The following SLC39A10 variants were observed in gnomAD, a reference collection of about 807,000 sequenced individuals.
SLC39A10 encodes zinc transporter ZIP10.
Under a neutral mutation model 65.1 loss-of-function variants are expected in SLC39A10, and 13 were observed. The ratio of observed to expected loss-of-function variants is 0.20; its 90% CI spans 0.13 to 0.32. The LOEUF is 0.32. Among genes scored for constraint, SLC39A10 ranks in the 10% least tolerant of loss-of-function variants. SLC39A10 has a pLI of 1.00. For synonymous variants in SLC39A10, 321 were observed against 342.2 expected (o/e 0.94, Z 0.68); for missense variants, 831 against 1,018.4 (o/e 0.82, Z 2.50).
At chr2:195,672,801 A>G (rs1689920120) in intron 1 of SLC39A10, among the ~76,000 whole-genome samples, 1 of 152,198 alleles carries the variant, frequency 6.6e-6, no homozygotes, top group Admixed American at 6.5e-5. Flanking sequence ...GATAACATGC[A>G]TTAAAGAAAC....
At chr2:195,644,890 C>CTTTAT in intron 2 of SLC39A10, among the ~76,000 whole-genome samples, 1 of 138,218 alleles carries the variant, frequency 7.2e-6, no homozygotes, top group Non-Finnish European at 1.5e-5. Flanking sequence ...AATCTAACTA[C>CTTTAT]TTTATTTATT....
intron 2 of SLC39A10, among the ~76,000 whole-genome samples, chr2:195,624,848 C>G (rs1462798749): frequency 2.2e-5 from 3 of 138,636 alleles, no homozygotes; most frequent in Admixed American, 1.6e-4. Flanking sequence ...GATCCTGCCA[C>G]TGCACTCCAG....
In SLC39A10 at chr2:195,703,891, C is replaced by T. The variant is rs1305643643; in HGVS notation, c.1217-2725C>T. On this transcript the variant is annotated intron_variant, in intron 3 of 9. Coordinates refer to ENST00000359634, the MANE Select transcript of SLC39A10 (RefSeq NM_020342.3). The stretch of plus-strand genomic sequence containing the variant: ...CTGGTCTCAAACTCCTGACCTTAAT[C>T]AGCCTGTCTGCCTCGACCTCCCAAA... Among the ~76,000 whole-genome samples, 43 of 152,162 alleles carry T rather than the reference C, an allele frequency of 2.8e-4. 2 individuals carry two copies. The highest frequency in any genetic ancestry group is 2.7e-3 in the Admixed American group (42 of 15,278).
Position 195,622,643 on chromosome 2 carries a change from A to G in SLC39A10, c.-12+16410A>G, listed in dbSNP as rs1391636620. 3.3e-5 allele frequency among the ~76,000 whole-genome samples: 5 copies of G among 152,280 alleles called. No individual in the cohort carries two copies. The East Asian group carries it at 7.7e-4, about 24-fold the overall frequency. On this transcript the variant is annotated intron_variant, in intron 2 of 2. Transcript: ENST00000458054. ...AAAGAGCTCAAATGTTTGAGGGAGA[A>G]ATAGTGGTGAATGTGATAGTGACTT...
Position 195,616,295 on chromosome 2 carries a change from T to TGGGA in SLC39A10, c.-12+10062_-12+10063insGGGA, listed in dbSNP as rs557385889. Reference sequence around the variant, plus strand: ...TAAACTGATATTTTAATATTTCAATTTGGATTGATTGATTGATTGATTGAT... The same window carrying TGGGA: ...TAAACTGATATTTTAATATTTCAATTGGGATGGATTGATTGATTGATTGATTGAT... On this transcript the variant is annotated intron_variant, in intron 2 of 2. Coordinates refer to the SLC39A10 transcript ENST00000458054. Among the ~76,000 whole-genome samples, 1,133 of 135,008 alleles carry TGGGA rather than the reference T, an allele frequency of 8.4e-3. 7 individuals carry two copies. The highest frequency in any genetic ancestry group is 0.018 in the South Asian group (72 of 3,964). 88.6% of individuals were successfully genotyped at this position (135,008 alleles called of 152,430 possible).
chr2:195,706,497 A>C (rs1691400196), intron 3 of SLC39A10, 119 bp from the exon 4 acceptor site: 1 of 924,680 alleles, frequency 1.1e-6, no homozygotes, highest in South Asian at 2.0e-5. Flanking sequence ...TAAAGCTTTC[A>C]TAATCTGGGT....
intron 2 of SLC39A10, among the ~76,000 whole-genome samples, chr2:195,617,917 T>G (rs1246387142): frequency 3.3e-5 from 5 of 150,700 alleles, no homozygotes; most frequent in Non-Finnish European, 5.9e-5. Context: ...TTTTTTGTAT[T>G]TTTAGTAGAG....
chr2:195,735,307 C>A lies in SLC39A10; in HGVS notation c.*266C>A. 3.7e-6 allele frequency: 1 copy of A among 267,240 alleles called. No homozygotes were observed. The highest frequency in any genetic ancestry group is 7.0e-6 in the Non-Finnish European group (1 of 143,646). 16.6% of individuals were successfully genotyped at this position (267,240 alleles called of 1,614,324 possible). ...GTTGATATGTTTGATTAAGACTTTTCACAAAATAATCATATAAAACACTAG... is the reference window on the plus strand; with the variant it reads ...GTTGATATGTTTGATTAAGACTTTTAACAAAATAATCATATAAAACACTAG... On this transcript the variant is annotated 3_prime_UTR_variant, in exon 10 of 10. Transcript: ENST00000359634.
At chr2:195,670,741 G>C (rs1418991437) in intron 1 of SLC39A10, among the ~76,000 whole-genome samples, 1 of 152,112 alleles carries the variant, frequency 6.6e-6, no homozygotes, top group African/African-American at 2.4e-5. Flanking sequence ...TGGGGAAAGA[G>C]TACATGGAAA....
intron 2 of SLC39A10, among the ~76,000 whole-genome samples, chr2:195,616,908 A>G (rs895516992): frequency 6.6e-6 from 1 of 152,114 alleles, no homozygotes; most frequent in Non-Finnish European, 1.5e-5. Context: ...CGGCCCGGAA[A>G]ATCTTTTGTT....
chr2:195,737,132 A>ATTCT lies in SLC39A10; in HGVS notation c.*2093_*2096dup, dbSNP rs1277445302. 5.9e-5 allele frequency: 9 copies of ATTCT among 152,746 alleles called. No individual in the cohort carries two copies. Among genetic ancestry groups the ATTCT allele is most frequent in the South Asian group, 2.1e-4 (1 of 4,828 alleles). The allele number at this position is 152,746 out of a possible 1,614,324, so 9.5% of individuals were successfully genotyped here. A position where few individuals can be genotyped will look rare whatever the true frequency, so the allele number is the denominator to read the frequency against. On this transcript the variant is annotated 3_prime_UTR_variant, in exon 10 of 10. Coordinates refer to ENST00000359634, the MANE Select transcript of SLC39A10 (RefSeq NM_020342.3). ...GGTATTATCTTTCTTTATTTGCTAG[A>ATTCT]TTCTTACAAATCTTTTAAGAGGGCT... is the stretch of plus-strand genomic sequence containing the variant.
In SLC39A10 at chr2:195,716,628, T is replaced by C; in HGVS notation, c.1697-9T>C. The C allele has an allele frequency of 1.3e-6, 2 of 1,581,616 alleles. No homozygotes were observed. Among genetic ancestry groups the C allele is most frequent in the South Asian group, 1.2e-5 (1 of 83,400 alleles). On this transcript the variant is annotated splice_polypyrimidine_tract_variant and intron_variant, in intron 6 of 9. Transcript: ENST00000359634. ...TATTGATAAAGCATATCCTTTGCTA[T>C]AAATACAGGAACTGATGACTCGGTT...
rs1392781774 is a variant in SLC39A10, at chr2:195,649,011, T to C, written c.-11-31021T>C. Among the ~76,000 whole-genome samples the C allele has an allele frequency of 2.0e-5, 3 of 152,136 alleles. No individual in the cohort carries two copies. The East Asian group carries it at 5.8e-4, about 29-fold the overall frequency. ...TGGGTGTGATGAAATCATTGGAGGC[T>C]GTAGGTGAGATCATCTATGAGAAAG... On this transcript the variant is annotated intron_variant, in intron 2 of 2. Coordinates refer to the SLC39A10 transcript ENST00000458054.
rs1692550023 is a variant in SLC39A10, at chr2:195,735,103, T to C, written c.*62T>C. On this transcript the variant is annotated 3_prime_UTR_variant, in exon 10 of 10. Transcript: ENST00000359634. ...ACCATGCAGCTTTGCATCTGTTCCT[T>C]GTACTGTATGCACATTGCTCAAAGG... 1 of 1,517,962 alleles carries C rather than the reference T, an allele frequency of 6.6e-7. No individual in the cohort carries two copies. The highest frequency in any genetic ancestry group is 2.0e-5 in the Admixed American group (1 of 50,322). The allele number at this position is 1,517,962 out of a possible 1,614,324, so 94.0% of individuals were successfully genotyped here. A position where few individuals can be genotyped will look rare whatever the true frequency, so the allele number is the denominator to read the frequency against.
chr2:195,661,402 T>C (rs1055248841), intron 1 of SLC39A10, among the ~76,000 whole-genome samples: 2 of 152,184 alleles, frequency 1.3e-5, no homozygotes, highest in Admixed American at 6.5e-5. Context: ...TTTTAAATAA[T>C]AGTATGTATT....
chr2:195,637,663 T>C (rs1031392011), intron 2 of SLC39A10, among the ~76,000 whole-genome samples: 4 of 152,204 alleles, frequency 2.6e-5, no homozygotes, highest in Admixed American at 6.5e-5. Context: ...TTCTTAACCA[T>C]AATTGAGGCA....
At chr2:195,727,506 T>C (rs1692287167) in intron 8 of SLC39A10, among the ~76,000 whole-genome samples, 1 of 147,792 alleles carries the variant, frequency 6.8e-6, no homozygotes, top group Admixed American at 6.8e-5. Context: ...TTTTTAGAAT[T>C]TTCAGGATTA....
At chr2:195,716,513 A>C (rs1691814899) in intron 6 of SLC39A10, 124 bp from the exon 7 acceptor site, 1 of 756,594 alleles carries the variant, frequency 1.3e-6, no homozygotes, top group South Asian at 3.3e-5. Context: ...AATTTTAGGA[A>C]ATTATTTAAG....
rs1431184112 is a variant in SLC39A10, at chr2:195,728,459, A to T, written c.2337+110A>T. On this transcript the variant is annotated intron_variant, in intron 9 of 9. Coordinates refer to ENST00000359634, the MANE Select transcript of SLC39A10 (RefSeq NM_020342.3). This position sits in a 1 kb window ranked among gnomAD's most constrained non-coding sequence, Gnocchi z 4.4. ...AAAATATAACTCATTTTAAAGACAT[A>T]ATATCCTAAATAATCTCTTAAGGAA... is the stretch of plus-strand genomic sequence containing the variant. 1.0e-6 allele frequency: 1 copy of T among 1,001,284 alleles called. No homozygotes were observed. The highest frequency in any genetic ancestry group is 1.6e-5 in the African/African-American group (1 of 61,394). The allele number at this position is 1,001,284 out of a possible 1,614,324, so 62.0% of individuals were successfully genotyped here.
Sources: allele counts gnomAD v4.1 joint callset (sites outside exome capture counted in the v4.1 genomes callset), GRCh38; gene constraint gnomAD v4.1.1; non-coding constraint Gnocchi (gnomAD v3.1); transcripts MANE v1.5; gene names NCBI Gene and HGNC (gene_info 2026-07-23, HGNC 2026-07-21).